DSTYK: variants seen among roughly 807,000 people sequenced by gnomAD.
DSTYK encodes dual serine/threonine and tyrosine protein kinase.
In DSTYK, 34 loss-of-function variants were observed where a neutral mutation model predicts 98.7. That is an observed-to-expected ratio of 0.34 (90% confidence interval 0.26 to 0.46). The LOEUF is 0.46. DSTYK is among the 20% of genes least tolerant of loss of function. The probability of loss-of-function intolerance (pLI) is 1.00; values close to 1 mark genes in which losing one functional copy is unlikely to be tolerated. For missense variants in DSTYK, 962 were observed against 1,181.7 expected (o/e 0.81, Z 2.73); for synonymous variants, 462 against 457.3 (o/e 1.01, Z -0.13).
rs571175011 is a variant in DSTYK at position 205,155,674 on chromosome 1, A to T, written c.2352+1599T>A. ...CTCCATCTCAAAAAAATTTTTAAAAAAAAGAAAGGAAAAAAAAAAGAAAAC... is the reference window on the plus strand; with the variant it reads ...CTCCATCTCAAAAAAATTTTTAAAATAAAGAAAGGAAAAAAAAAAGAAAAC... On this transcript the variant is annotated intron_variant, in intron 10 of 12. Coordinates refer to ENST00000367162, the MANE Select transcript of DSTYK (RefSeq NM_015375.3). Among the ~76,000 whole-genome samples, 3 of 152,198 alleles carry T rather than the reference A, an allele frequency of 2.0e-5. No individual in the cohort carries two copies. In the East Asian group the frequency reaches 5.8e-4, roughly 29 times the overall value.
intron 4 of DSTYK, among the ~76,000 whole-genome samples, chr1:205,163,377 G>A (rs897792030): frequency 2.0e-5 from 3 of 151,922 alleles, no homozygotes; most frequent in African/African-American, 7.3e-5. Context: ...GCACCACCAC[G>A]CCCAGCTAAT....
chr1:205,171,230 C>T (rs1016815019), intron 2 of DSTYK, among the ~76,000 whole-genome samples: 9 of 151,936 alleles, frequency 5.9e-5, no homozygotes, highest in Non-Finnish European at 1.0e-4. Context: ...GCAGGAGGAT[C>T]GCTTGAGGTC....
chr1:205,163,689 T>C (rs1294255071), intron 4 of DSTYK, 34 bp downstream of exon 4: 3 of 1,554,700 alleles, frequency 1.9e-6, no homozygotes, highest in Non-Finnish European at 2.6e-6. Flanking sequence ...GTGCTATCTA[T>C]GACACGATGT....
chr1:205,164,066 G>A, intron 3 of DSTYK, 111 bp from the exon 4 acceptor site: 3 of 864,206 alleles, frequency 3.5e-6, no homozygotes, highest in Non-Finnish European at 5.5e-6. Context: ...GATGATGGCT[G>A]CAAAAAGACA....
At chr1:205,208,710 CAA>C (rs539331693) in intron 1 of DSTYK, among the ~76,000 whole-genome samples, 31 of 152,192 alleles carry the variant, frequency 2.0e-4, no homozygotes, top group Non-Finnish European at 3.2e-4. Context: ...CCCATCTTTA[CAA>C]AAAATTTAAA....
chr1:205,201,244 T>C (rs1321021251), intron 1 of DSTYK, among the ~76,000 whole-genome samples: 1 of 152,136 alleles, frequency 6.6e-6, no homozygotes, highest in Non-Finnish European at 1.5e-5. Context: ...AGTAATTAGA[T>C]TGTTTGTAAC....
intron 1 of DSTYK, among the ~76,000 whole-genome samples, chr1:205,203,307 A>AAAAT (rs1659096009): frequency 6.8e-6 from 1 of 147,738 alleles, no homozygotes; most frequent in African/African-American, 2.5e-5. Context: ...AAACGGTGAA[A>AAAAT]CCCCGTCTCT....
chr1:205,147,564 A>G lies in DSTYK; in HGVS notation c.2784T>C (p.Ser928=), dbSNP rs1439124659. The G allele has an allele frequency of 6.2e-7, 1 of 1,603,294 alleles. No individual in the cohort carries two copies. The highest frequency in any genetic ancestry group is 1.1e-5 in the South Asian group (1 of 90,890). Residue 928 remains serine, a synonymous_variant, in exon 13 of 13, where the codon TCT becomes TCC. Coordinates refer to ENST00000367162, the MANE Select transcript of DSTYK (RefSeq NM_015375.3). Reference sequence around the variant, plus strand: ...AAGAGAAAGGTCTTTGCTTTCAAGTAGAATCATCTAGTCCTCTGTTTGGCT... The same window carrying G: ...AAGAGAAAGGTCTTTGCTTTCAAGTGGAATCATCTAGTCCTCTGTTTGGCT... ...SEQPNRGLDD[S]T is the part of the protein sequence containing the mutation.
intron 2 of DSTYK, among the ~76,000 whole-genome samples, chr1:205,170,697 A>G (rs1238490636): frequency 6.6e-6 from 1 of 152,212 alleles, no homozygotes; most frequent in Non-Finnish European, 1.5e-5. Flanking sequence ...TTGCCTATCC[A>G]ATATCTAGTC....
At chr1:205,148,122 T>A (rs2102374012) in intron 12 of DSTYK, 83 bp downstream of exon 12, 1 of 1,568,658 alleles carries the variant, frequency 6.4e-7, no homozygotes, top group South Asian at 1.1e-5. Context: ...CCAGATGGGA[T>A]GACAGGAGAC....
intron 10 of DSTYK, among the ~76,000 whole-genome samples, chr1:205,154,243 T>C (rs1657492942): frequency 1.3e-5 from 2 of 152,148 alleles, no homozygotes; most frequent in African/African-American, 2.4e-5. Context: ...GCTAGGTCTA[T>C]GATGAAACTC....
chr1:205,200,574 T>A (rs774408128), intron 1 of DSTYK, among the ~76,000 whole-genome samples: 6 of 152,222 alleles, frequency 3.9e-5, no homozygotes, highest in African/African-American at 1.2e-4. Flanking sequence ...AGGTAACCAA[T>A]TTGTAGAAAA....
chr1:205,202,609 A>G, intron 1 of DSTYK: 1 of 1,127,116 alleles, frequency 8.9e-7, no homozygotes, highest in Admixed American at 1.7e-5. Context: ...CCCATACGTG[A>G]GCTCTCTCTG....
intron 10 of DSTYK, among the ~76,000 whole-genome samples, chr1:205,152,660 A>AT (rs572810153): frequency 0.03 from 4,167 of 137,990 alleles, 80 homozygotes; most frequent in East Asian, 0.071. Context: ...TTTGAATTTC[A>AT]TTTTTTTTTT....
chr1:205,204,123 G>A (rs1262661706), intron 1 of DSTYK, among the ~76,000 whole-genome samples: 1 of 152,176 alleles, frequency 6.6e-6, no homozygotes, highest in African/African-American at 2.4e-5. Flanking sequence ...GTGGAAACTA[G>A]AATAAGAGCC....
At chr1:205,202,383 GGTT>G in intron 1 of DSTYK, 1 of 733,902 alleles carries the variant, frequency 1.4e-6, no homozygotes, top group East Asian at 2.6e-5. Context: ...ACATTACAAT[GGTT>G]GCGTTGGTTG....
At chr1:205,165,622 T>C (rs530146111) in intron 3 of DSTYK, among the ~76,000 whole-genome samples, 2 of 152,296 alleles carry the variant, frequency 1.3e-5, no homozygotes, top group East Asian at 3.9e-4. Flanking sequence ...AATTTGGCAA[T>C]ATCTATTAAA....
At chr1:205,162,308 A>G (rs1464989183) in intron 5 of DSTYK, 96 bp from the exon 6 acceptor site, 6 of 1,427,146 alleles carry the variant, frequency 4.2e-6, no homozygotes, top group Admixed American at 2.2e-5. Context: ...CCCATTCATT[A>G]AGAGCAGGCT....
rs1420583036 is a variant in DSTYK, at chr1:205,187,431, T to C, written c.641A>G (p.His214Arg). The change falls in exon 2 of 13, where the codon CAT becomes CGT. Residue 214 changes from histidine (H) to arginine (R), a missense_variant. Transcript: ENST00000367162. ...TGAGATTGGTACCTGTAAGAGAGCA[T>C]GGTGCATCGTTACCTCCAGTTCCGC... is the stretch of plus-strand genomic sequence containing the variant. The part of the protein sequence containing the change: ...VLAELEVTMH[H>R]ALLQEVDVVV... The C allele has an allele frequency of 3.7e-6, 6 of 1,610,894 alleles. No homozygotes were observed. Among genetic ancestry groups the C allele is most frequent in the East Asian group, 2.2e-5 (1 of 44,810 alleles).
Sources: allele counts gnomAD v4.1 joint callset (sites outside exome capture counted in the v4.1 genomes callset), GRCh38; gene constraint gnomAD v4.1.1; transcripts MANE v1.5; gene names NCBI Gene and HGNC (gene_info 2026-07-23, HGNC 2026-07-21).